The following DNAJC13 variants were observed in gnomAD, a reference collection of about 807,000 sequenced individuals.
DNAJC13 encodes DnaJ heat shock protein family (Hsp40) member C13.
A neutral mutation model predicts 290.5 loss-of-function variants in DNAJC13; 75 were observed. The observed-to-expected ratio is 0.26, with a 90% CI of 0.21 to 0.31. DNAJC13 has a LOEUF of 0.31. Ranked by LOEUF, DNAJC13 falls within the 10% of genes least tolerant of loss-of-function variation. The probability of loss-of-function intolerance (pLI) is 1.00; values close to 1 mark genes in which losing one functional copy is unlikely to be tolerated. For synonymous variants in DNAJC13, 862 were observed against 892.0 expected (o/e 0.97, Z 0.60); for missense variants, 2,260 against 2,674.5 (o/e 0.85, Z 3.42).
chr3:132,461,035 G>T lies in DNAJC13; in HGVS notation c.1558-15G>T. 1 of 1,612,068 alleles carries T rather than the reference G, an allele frequency of 6.2e-7. No homozygotes were observed. Among genetic ancestry groups the T allele is most frequent in the Non-Finnish European group, 8.5e-7 (1 of 1,179,312 alleles). ...ATCTCTTAAGTCTTTAAGAGAATCT[G>T]TTGCATTGTTTCAGGATCATGGGAC... On this transcript the variant is annotated splice_polypyrimidine_tract_variant and intron_variant, in intron 14 of 55. Transcript: ENST00000260818.
chr3:132,420,839 T>C (rs1483569433), intron 1 of DNAJC13, among the ~76,000 whole-genome samples: 2 of 152,168 alleles, frequency 1.3e-5, no homozygotes, highest in Non-Finnish European at 2.9e-5. Flanking sequence ...GCGTGCTCAT[T>C]TCCAGTCATA....
chr3:132,434,744 G>T, intron 2 of DNAJC13, 126 bp downstream of exon 2: 1 of 594,538 alleles, frequency 1.7e-6, no homozygotes, highest in African/African-American at 1.9e-5. Context: ...TGAAAAACGT[G>T]CATATTATAA....
In DNAJC13 at chr3:132,460,244, C is replaced by A. The variant is rs1401751877; in HGVS notation, c.1450-6C>A. The A allele has an allele frequency of 2.6e-6, 4 of 1,529,640 alleles. No individual in the cohort carries two copies. The highest frequency in any genetic ancestry group is 2.3e-5 in the East Asian group (1 of 43,952). 94.8% of individuals were successfully genotyped at this position (1,529,640 alleles called of 1,614,324 possible). ...ATTATCACTGTTTTTTTTTTTTCATCAATAGCCCATGCATGATGACTATGA... is the reference window on the plus strand; with the variant it reads ...ATTATCACTGTTTTTTTTTTTTCATAAATAGCCCATGCATGATGACTATGA... On this transcript the variant is annotated splice_region_variant and splice_polypyrimidine_tract_variant and intron_variant, in intron 13 of 55. Coordinates refer to ENST00000260818, the MANE Select transcript of DNAJC13 (RefSeq NM_015268.4).
At chr3:132,442,005 G>GT (rs1263351771) in intron 2 of DNAJC13, among the ~76,000 whole-genome samples, 9 of 137,990 alleles carry the variant, frequency 6.5e-5, no homozygotes, top group African/African-American at 2.1e-4. Flanking sequence ...CTAACACATT[G>GT]GTTTTTTTTT....
At chr3:132,447,499 ATTTC>A (rs747870445) in intron 4 of DNAJC13, 29 bp downstream of exon 4, 21 of 1,525,684 alleles carry the variant, frequency 1.4e-5, no homozygotes, top group East Asian at 2.4e-5. Context: ...CATAAATAAA[ATTTC>A]TTTCTTCTCT....
In DNAJC13 at chr3:132,450,728, A is replaced by C; in HGVS notation, c.418A>C (p.Ile140Leu). The C allele has an allele frequency of 6.2e-7, 1 of 1,613,220 alleles. No individual in the cohort carries two copies. ...AGTAACTCCAGGAGGCTTTGACCAAATTAATCCTGCAACCAACAGAGTACT... is the reference window on the plus strand; with the variant it reads ...AGTAACTCCAGGAGGCTTTGACCAACTTAATCCTGCAACCAACAGAGTACT... ...LEVTPGGFDQ[I>L]NPATNRVLCS... Residue 140 changes from isoleucine (I) to leucine (L), a missense_variant, in exon 6 of 56, where the codon ATT (isoleucine) becomes CTT (leucine). Physicochemically the swap from Ile to Leu is conservative, Grantham distance 5. This residue lies in a region of DNAJC13 where 762 missense variants were observed against 964.1 expected (regional missense o/e 0.79). Coordinates refer to ENST00000260818, the MANE Select transcript of DNAJC13 (RefSeq NM_015268.4).
In DNAJC13 at chr3:132,514,580, A is replaced by G. The variant is rs764102785; in HGVS notation, c.5395A>G (p.Ile1799Val). The G allele has an allele frequency of 3.7e-6, 6 of 1,601,826 alleles. No individual in the cohort carries two copies. Among genetic ancestry groups the G allele is most frequent in the Non-Finnish European group, 5.1e-6 (6 of 1,175,870 alleles). The change falls in exon 46 of 56, where the codon ATA (isoleucine) becomes GTA (valine). Residue 1799 changes from isoleucine (I) to valine (V), a missense_variant. Transcript: ENST00000260818. ...GTTGATTAATTTTCAGGTTGTGAAT[A>G]TAGTGACATCTAACCAAGACTGTGT... is the stretch of plus-strand genomic sequence containing the variant. The part of the protein sequence containing the change: ...VQQLALEVVN[I>V]VTSNQDCVNN...
chr3:132,515,851 C>G (rs1411182576), intron 46 of DNAJC13, among the ~76,000 whole-genome samples: 2 of 152,182 alleles, frequency 1.3e-5, no homozygotes, highest in Non-Finnish European at 2.9e-5. Flanking sequence ...TTTGCCAACA[C>G]TTTATTCCTT....
chr3:132,498,089 G>A lies in DNAJC13; in HGVS notation c.4157-1037G>A, dbSNP rs1418224111. Among the ~76,000 whole-genome samples the A allele has an allele frequency of 2.0e-5, 3 of 152,114 alleles. No homozygotes were observed. The East Asian group carries it at 5.8e-4, about 29-fold the overall frequency. ...GAAGATGGAAAGAACAGAGTAATTA[G>A]GCATGTAGGTTTACTAGCTTTCACT... On this transcript the variant is annotated intron_variant, in intron 36 of 55. Transcript: ENST00000260818.
intron 5 of DNAJC13, 99 bp from the exon 6 acceptor site, chr3:132,450,544 CAGTT>C (rs1055401157): frequency 4.6e-5 from 33 of 716,504 alleles, no homozygotes; most frequent in African/African-American, 1.8e-4. Context: ...TTTACGATGA[CAGTT>C]AGATTTTTGG....
intron 13 of DNAJC13, among the ~76,000 whole-genome samples, chr3:132,459,964 G>A (rs570913904): frequency 2.6e-5 from 4 of 152,230 alleles, no homozygotes; most frequent in South Asian, 2.1e-4. Flanking sequence ...AAAATTCTGG[G>A]TGGGCAAATG....
chr3:132,460,455 T>A, intron 14 of DNAJC13, 98 bp downstream of exon 14: 1 of 768,436 alleles, frequency 1.3e-6, no homozygotes, highest in Non-Finnish European at 2.1e-6. Context: ...TTTTTTATTG[T>A]AGCCCCCAGC....
intron 36 of DNAJC13, 129 bp downstream of exon 36, chr3:132,496,792 A>C: frequency 1.1e-6 from 1 of 923,378 alleles, no homozygotes. Context: ...GATTCTTGGA[A>C]TTATGTTTTA....
intron 54 of DNAJC13, among the ~76,000 whole-genome samples, chr3:132,530,590 A>G (rs1016590188): frequency 1.3e-5 from 2 of 152,204 alleles, no homozygotes; most frequent in African/African-American, 4.8e-5. Flanking sequence ...AATTTGAAAC[A>G]CTGCTTTAAG....
At chr3:132,508,430 C>G (rs1403199293) in intron 43 of DNAJC13, among the ~76,000 whole-genome samples, 1 of 152,212 alleles carries the variant, frequency 6.6e-6, no homozygotes, top group East Asian at 1.9e-4. Context: ...TGTCTGGCTT[C>G]AAAGCTTCGA....
At chr3:132,487,898 G>C (rs1934933345) in intron 29 of DNAJC13, among the ~76,000 whole-genome samples, 1 of 151,866 alleles carries the variant, frequency 6.6e-6, no homozygotes, top group Non-Finnish European at 1.5e-5. Flanking sequence ...CTGTTTTATT[G>C]ATCATTATTT....
Position 132,528,965 on chromosome 3 carries a change from G to T in DNAJC13, c.6525+633G>T, listed in dbSNP as rs546922921. Among the ~76,000 whole-genome samples the T allele has an allele frequency of 2.0e-4, 30 of 151,544 alleles. 1 individual carries two copies. The South Asian group carries it at 4.4e-3, about 22-fold the overall frequency. Reference sequence around the variant, plus strand: ...TAATGCTCATTTTTTTTTAATTGACGTGAAATTTACATAGCATAAAATTAA... The same window carrying T: ...TAATGCTCATTTTTTTTTAATTGACTTGAAATTTACATAGCATAAAATTAA... On this transcript the variant is annotated intron_variant, in intron 54 of 55. Coordinates refer to ENST00000260818, the MANE Select transcript of DNAJC13 (RefSeq NM_015268.4).
chr3:132,502,304 G>T lies in DNAJC13; in HGVS notation c.4552G>T (p.Ala1518Ser), dbSNP rs1333944845. Residue 1518 changes from alanine to serine, a missense_variant, in exon 40 of 56, where the codon GCT becomes TCT. Physicochemically the swap from Ala to Ser is moderately conservative, Grantham distance 99. Around this residue, in one of 3 missense-constraint regions of DNAJC13, gnomAD observed 1,494 missense variants for 1,693.7 expected, o/e 0.88. Coordinates refer to ENST00000260818, the MANE Select transcript of DNAJC13 (RefSeq NM_015268.4). ...ATTCTCTCAGAGTATTCCCCGCGTA[G>T]CTGCTCTTGGGGTAGAATGTGTCAG... is the stretch of plus-strand genomic sequence containing the variant. ...LYFGKSIPRV[A>S]ALGVECVSSF... The T allele has an allele frequency of 2.5e-6, 4 of 1,611,538 alleles. No homozygotes were observed. In the Admixed American group the frequency reaches 6.7e-5, roughly 27 times the overall value.
chr3:132,511,381 G>T lies in DNAJC13; in HGVS notation c.5293+137G>T, dbSNP rs544380915. On this transcript the variant is annotated intron_variant, in intron 44 of 55. Transcript: ENST00000260818. Reference sequence around the variant, plus strand: ...TATTAATATAACATTACAGGGAATTGACCCTGTAATAGTTTTACAATAAAA... The same window carrying T: ...TATTAATATAACATTACAGGGAATTTACCCTGTAATAGTTTTACAATAAAA... 59 of 1,014,912 alleles carry T rather than the reference G, an allele frequency of 5.8e-5. No homozygotes were observed. In the South Asian group the frequency reaches 9.7e-4, roughly 17 times the overall value. The allele number at this position is 1,014,912 out of a possible 1,614,324, so 62.9% of individuals were successfully genotyped here.
Sources: allele counts gnomAD v4.1 joint callset (sites outside exome capture counted in the v4.1 genomes callset), GRCh38; gene constraint gnomAD v4.1.1; regional missense constraint gnomAD v4.1.1; transcripts MANE v1.5; gene names NCBI Gene and HGNC (gene_info 2026-07-23, HGNC 2026-07-21).